Variants in USP13 observed in about 807,000 individuals in gnomAD.
USP13 encodes ubiquitin carboxyl-terminal hydrolase 13.
USP13 carries 68 observed loss-of-function variants against 107.8 expected under a neutral mutation model. That is an observed-to-expected ratio of 0.63 (90% CI 0.52 to 0.77). The LOEUF is 0.77. USP13 is among the 30% of genes least tolerant of loss of function. The pLI is 0.00. For missense variants in USP13, 945 were observed against 1,093.3 expected (o/e 0.86, Z 1.91); for synonymous variants, 377 against 389.5 (o/e 0.97, Z 0.38).
At chr3:179,781,299 T>G (rs181338511) in intron 19 of USP13, among the ~76,000 whole-genome samples, 1 of 152,352 alleles carries the variant, frequency 6.6e-6, no homozygotes, top group Admixed American at 6.5e-5. Context: ...TCAGTCTGAA[T>G]TGCTCATTTA....
chr3:179,740,624 G>T (rs1714159587), intron 11 of USP13, among the ~76,000 whole-genome samples: 1 of 152,134 alleles, frequency 6.6e-6, no homozygotes, highest in Non-Finnish European at 1.5e-5. Flanking sequence ...TTATAGGAGT[G>T]CTTGCCAGTT....
chr3:179,718,678 A>G (rs908846845), intron 6 of USP13, among the ~76,000 whole-genome samples: 5 of 152,186 alleles, frequency 3.3e-5, no homozygotes, highest in African/African-American at 1.2e-4. Context: ...CAGTCCTCCA[A>G]CTTCACTGTG....
intron 7 of USP13, among the ~76,000 whole-genome samples, chr3:179,720,895 G>A (rs1185827676): frequency 6.7e-6 from 1 of 150,234 alleles, no homozygotes; most frequent in African/African-American, 2.5e-5. Context: ...TGAAACCTCC[G>A]CCTCCTGGGT....
At chr3:179,705,789 C>A (rs1267498000) in intron 4 of USP13, among the ~76,000 whole-genome samples, 2 of 152,038 alleles carry the variant, frequency 1.3e-5, no homozygotes, top group Non-Finnish European at 2.9e-5. Context: ...ATGGTGTGTT[C>A]TCAGCTCACT....
chr3:179,755,918 ATGT>A (rs1376738525), intron 15 of USP13, among the ~76,000 whole-genome samples: 3 of 152,316 alleles, frequency 2.0e-5, no homozygotes, highest in African/African-American at 7.2e-5. Flanking sequence ...CATCTGTATT[ATGT>A]TGTTCTCTAA....
chr3:179,769,837 T>G (rs1715291684), intron 19 of USP13, among the ~76,000 whole-genome samples: 1 of 152,236 alleles, frequency 6.6e-6, no homozygotes, highest in Admixed American at 6.5e-5. Context: ...CTTTCCTTCT[T>G]CTACTAAAAA....
In USP13 at chr3:179,767,938, A is replaced by G. The variant is rs899266293; in HGVS notation, c.2413+2090A>G. Among the ~76,000 whole-genome samples the G allele has an allele frequency of 2.6e-5, 4 of 152,346 alleles. No individual in the cohort carries two copies. The East Asian group carries it at 7.7e-4, about 29-fold the overall frequency. On this transcript the variant is annotated intron_variant, in intron 19 of 20. Transcript: ENST00000263966. ...TTTTTTAATATAAAATAGGAATTTC[A>G]TCACTGAAACTGTTTCAATGCCAAC...
intron 1 of USP13, among the ~76,000 whole-genome samples, chr3:179,665,315 C>T (rs970174311): frequency 2.0e-5 from 3 of 152,134 alleles, no homozygotes; most frequent in African/African-American, 2.4e-5. Context: ...AGGACATAAC[C>T]GCTTGAGCTA....
At chr3:179,660,320 CT>C (rs1357102741) in intron 1 of USP13, among the ~76,000 whole-genome samples, 2 of 152,194 alleles carry the variant, frequency 1.3e-5, no homozygotes, top group Non-Finnish European at 2.9e-5. Flanking sequence ...GTCCATTCAA[CT>C]TTCTGTCTCT....
chr3:179,700,953 A>T (rs1712494068), intron 3 of USP13, 55 bp from the exon 4 acceptor site: 2 of 1,563,226 alleles, frequency 1.3e-6, no homozygotes, highest in Non-Finnish European at 1.7e-6. Flanking sequence ...GTGCTGCCAT[A>T]GTGTGGGATA....
At chr3:179,753,757 G>T (rs1714689248) in intron 14 of USP13, among the ~76,000 whole-genome samples, 1 of 152,090 alleles carries the variant, frequency 6.6e-6, no homozygotes, top group African/African-American at 2.4e-5. Context: ...TGATTTTGGG[G>T]ACAGTATTTT....
At chr3:179,754,115 C>T (rs1372619806) in intron 14 of USP13, among the ~76,000 whole-genome samples, 1 of 152,126 alleles carries the variant, frequency 6.6e-6, no homozygotes, top group Non-Finnish European at 1.5e-5. Flanking sequence ...AAGAACTGGG[C>T]TGAGTATAGG....
chr3:179,705,503 T>A (rs1207475833), intron 4 of USP13, among the ~76,000 whole-genome samples: 1 of 152,178 alleles, frequency 6.6e-6, no homozygotes, highest in African/African-American at 2.4e-5. Flanking sequence ...ACTCTGGACC[T>A]TTCATATAAA....
intron 16 of USP13, among the ~76,000 whole-genome samples, chr3:179,759,491 A>G (rs1714929316): frequency 6.6e-6 from 1 of 152,208 alleles, no homozygotes; most frequent in Non-Finnish European, 1.5e-5. Flanking sequence ...AGGATAGACT[A>G]TGTAGGTTTA....
At chr3:179,697,341 C>T (rs1712361873) in intron 3 of USP13, among the ~76,000 whole-genome samples, 1 of 152,102 alleles carries the variant, frequency 6.6e-6, no homozygotes, top group Admixed American at 6.5e-5. Context: ...TTTTGCAGCC[C>T]TTGGACAGAT....
At chr3:179,680,138 A>C (rs1380752902) in intron 1 of USP13, among the ~76,000 whole-genome samples, 2 of 151,736 alleles carry the variant, frequency 1.3e-5, no homozygotes, top group Non-Finnish European at 2.9e-5. Context: ...CTGCCATTAC[A>C]CTCCAGCCTG....
intron 10 of USP13, among the ~76,000 whole-genome samples, chr3:179,732,036 A>T (rs1713826109): frequency 6.6e-6 from 1 of 152,130 alleles, no homozygotes; most frequent in Admixed American, 6.5e-5. Flanking sequence ...AGCCTTGGGG[A>T]TGGGGAGAAA....
chr3:179,716,112 CG>C (rs1713104705), intron 6 of USP13, among the ~76,000 whole-genome samples: 1 of 151,994 alleles, frequency 6.6e-6, no homozygotes, highest in Non-Finnish European at 1.5e-5. Flanking sequence ...TTAGTAGAGA[CG>C]GGGTTTCTTC....
In USP13 at chr3:179,701,056, A is replaced by G; in HGVS notation, c.404A>G (p.Asp135Gly). 6.2e-7 allele frequency: 1 copy of G among 1,614,086 alleles called. No individual in the cohort carries two copies. Among genetic ancestry groups the G allele is most frequent in the South Asian group, 1.1e-5 (1 of 91,086 alleles). The change falls in exon 4 of 21, where the codon GAT (aspartate) becomes GGT (glycine). Residue 135 changes from aspartate to glycine, a missense_variant. By Grantham distance (94) the Asp-to-Gly change is moderately conservative. Coordinates refer to ENST00000263966, the MANE Select transcript of USP13 (RefSeq NM_003940.3). ...AATAGCGACGATTATGAATATGAAG[A>G]TGAAGCCAAACTTGTTATATTCCCA... Reference protein sequence around the residue: ...DLNSDDYEYEDEAKLVIFPDH... With the variant: ...DLNSDDYEYEGEAKLVIFPDH...
Sources: gnomAD v4.1 joint callset for allele counts (sites outside exome capture counted in the v4.1 genomes callset) on GRCh38, gnomAD v4.1.1 for gene constraint, MANE v1.5 for transcripts, NCBI Gene and HGNC (gene_info 2026-07-23, HGNC 2026-07-21) for gene names.